ADCK1: variants seen among roughly 807,000 people sequenced by gnomAD.
ADCK1 encodes aarF domain containing kinase 1, also known as aarF domain-containing protein kinase 1.
ADCK1 carries 41 observed loss-of-function variants against 52.3 expected under a neutral mutation model. The ratio of observed to expected loss-of-function variants is 0.78; its 90% CI spans 0.61 to 1.02. The LOEUF (loss-of-function observed/expected upper bound fraction) is 1.02, where lower values mean the gene tolerates loss of function less well. Among genes scored for constraint, ADCK1 ranks in the 50% least tolerant of loss-of-function variants. The probability of loss-of-function intolerance (pLI) is 0.00; values close to 1 mark genes in which losing one functional copy is unlikely to be tolerated. For synonymous variants in ADCK1, 250 were observed against 274.6 expected (o/e 0.91, Z 0.89); for missense variants, 658 against 679.5 (o/e 0.97, Z 0.35).
intron 10 of ADCK1, among the ~76,000 whole-genome samples, chr14:77,932,594 T>C (rs1204907426): frequency 6.6e-6 from 1 of 152,150 alleles, no homozygotes; most frequent in Non-Finnish European, 1.5e-5. Flanking sequence ...TGAAAGGAGA[T>C]TTGACCACGT....
At chr14:77,931,190 G>A (rs1380857013) in intron 9 of ADCK1, among the ~76,000 whole-genome samples, 1 of 152,188 alleles carries the variant, frequency 6.6e-6, no homozygotes, top group East Asian at 1.9e-4. Flanking sequence ...ACTGGCTTCT[G>A]GGGGTCCTTC....
At chr14:77,832,342 T>A (rs376962735) in intron 3 of ADCK1, among the ~76,000 whole-genome samples, 7 of 152,224 alleles carry the variant, frequency 4.6e-5, no homozygotes, top group African/African-American at 1.7e-4. Flanking sequence ...TTGATCTTGA[T>A]GTTCAGATAC....
At chr14:77,896,872 T>G (rs2083421484) in intron 5 of ADCK1, among the ~76,000 whole-genome samples, 1 of 152,176 alleles carries the variant, frequency 6.6e-6, no homozygotes, top group Non-Finnish European at 1.5e-5. Context: ...TTGGTAGAAA[T>G]TGAGCATGAT....
chr14:77,892,713 A>G (rs1426637688), intron 5 of ADCK1, among the ~76,000 whole-genome samples: 2 of 152,098 alleles, frequency 1.3e-5, no homozygotes, highest in African/African-American at 4.8e-5. Flanking sequence ...CCACTCCCAA[A>G]TCAGTCTTGG....
chr14:77,907,116 G>A lies in ADCK1; in HGVS notation c.742-687G>A, dbSNP rs141111614. On this transcript the variant is annotated intron_variant, in intron 6 of 10. Transcript: ENST00000238561. ...TACTGTAGAGACAGGGTTTCGCCAC[G>A]TTGCCCAGGCTGGTCTTGAACTTCT... 2.3e-3 allele frequency among the ~76,000 whole-genome samples: 343 copies of A among 152,236 alleles called. 1 individual carries two copies. Among genetic ancestry groups the A allele is most frequent in the Non-Finnish European group, 3.7e-3 (254 of 68,022 alleles).
At chr14:77,902,994 A>G (rs1299841352) in intron 6 of ADCK1, among the ~76,000 whole-genome samples, 2 of 152,186 alleles carry the variant, frequency 1.3e-5, no homozygotes, top group African/African-American at 4.8e-5. Context: ...TGCCCCTCAG[A>G]GCCAGAACTA....
At chr14:77,843,150 T>A (rs185550501) in intron 3 of ADCK1, among the ~76,000 whole-genome samples, 5 of 152,112 alleles carry the variant, frequency 3.3e-5, no homozygotes, top group Non-Finnish European at 2.9e-5. Context: ...TCTCAGAATC[T>A]CAAAATGCTG....
chr14:77,832,976 G>A (rs1594898121), intron 3 of ADCK1, among the ~76,000 whole-genome samples: 5 of 152,310 alleles, frequency 3.3e-5, no homozygotes, highest in Admixed American at 3.3e-4. Flanking sequence ...AGCCTGCTCT[G>A]TGTCAGGTAC....
intron 4 of ADCK1, among the ~76,000 whole-genome samples, chr14:77,866,829 C>T (rs2082670919): frequency 6.6e-6 from 1 of 152,132 alleles, no homozygotes; most frequent in Admixed American, 6.5e-5. Context: ...TGAGCATGCC[C>T]TGGGCTGGAC....
chr14:77,854,895 C>A (rs766078800), intron 3 of ADCK1, among the ~76,000 whole-genome samples: 8 of 152,118 alleles, frequency 5.3e-5, no homozygotes, highest in Non-Finnish European at 1.0e-4. Context: ...AAATTCAGAG[C>A]CCTACCTCAC....
chr14:77,879,899 G>T (rs1204414874), intron 4 of ADCK1, among the ~76,000 whole-genome samples: 3 of 152,160 alleles, frequency 2.0e-5, no homozygotes, highest in Admixed American at 2.0e-4. Context: ...CAGTTATTGG[G>T]GGGCTACTAT....
chr14:77,898,106 A>G (rs996859053), intron 5 of ADCK1, among the ~76,000 whole-genome samples: 2 of 152,192 alleles, frequency 1.3e-5, no homozygotes, highest in Non-Finnish European at 2.9e-5. Flanking sequence ...AAAAAATTAA[A>G]AAAATTAGCT....
rs10132986 is a variant in ADCK1 at position 77,806,215 on chromosome 14, C to T, written c.-12+6045C>T. ...TGTTGGGATTACAGGTGTGAGCACT[C>T]GCTGCACCTGGCCTTGTTAGTTTTA... On this transcript the variant is annotated intron_variant, in intron 1 of 10. Transcript: ENST00000238561. Among the ~76,000 whole-genome samples the T allele has an allele frequency of 8.4e-3, 1,278 of 151,886 alleles. 17 individuals carry two copies. Among genetic ancestry groups the T allele is most frequent in the African/African-American group, 0.029 (1,211 of 41,468 alleles).
At chr14:77,868,297 C>G (rs182385507) in intron 4 of ADCK1, among the ~76,000 whole-genome samples, 1 of 152,164 alleles carries the variant, frequency 6.6e-6, no homozygotes, top group Non-Finnish European at 1.5e-5. Flanking sequence ...TCTCCTGATT[C>G]CTGATCCAGT....
At chr14:77,928,717 C>G (rs2084255541) in intron 9 of ADCK1, among the ~76,000 whole-genome samples, 1 of 152,150 alleles carries the variant, frequency 6.6e-6, no homozygotes. Context: ...ATCTCGGCCT[C>G]CCAAAGTGCT....
chr14:77,929,002 G>C (rs1304858985), intron 9 of ADCK1, among the ~76,000 whole-genome samples: 1 of 152,166 alleles, frequency 6.6e-6, no homozygotes, highest in African/African-American at 2.4e-5. Flanking sequence ...CTTTTTATAA[G>C]GTCCCTGCCA....
intron 4 of ADCK1, among the ~76,000 whole-genome samples, chr14:77,866,032 T>A (rs759822561): frequency 2.1e-4 from 32 of 152,216 alleles, no homozygotes; most frequent in Admixed American, 5.9e-4. Flanking sequence ...CAGTCATATG[T>A]TGCTTAATGA....
chr14:77,829,279 C>G lies in ADCK1; in HGVS notation c.219+6761C>G, dbSNP rs991900829. On this transcript the variant is annotated intron_variant, in intron 3 of 10. Transcript: ENST00000238561. ...CACACATACACACACTTCTGTCTTT[C>G]TACTAAAAAACTAAGATTTTTTTTT... 2.2e-5 allele frequency among the ~76,000 whole-genome samples: 3 copies of G among 138,004 alleles called. 1 individual carries two copies. The highest frequency in any genetic ancestry group is 4.8e-5 in the Non-Finnish European group (3 of 62,986). 90.5% of individuals were successfully genotyped at this position (138,004 alleles called of 152,430 possible).
intron 6 of ADCK1, among the ~76,000 whole-genome samples, chr14:77,903,716 A>G (rs1343451415): frequency 6.6e-6 from 1 of 152,150 alleles, no homozygotes; most frequent in East Asian, 1.9e-4. Flanking sequence ...ATAGGTGTGC[A>G]GGGCCATGCC....
Sources: allele counts gnomAD v4.1 joint callset (sites outside exome capture counted in the v4.1 genomes callset), GRCh38; gene constraint gnomAD v4.1.1; transcripts MANE v1.5; gene names NCBI Gene and HGNC (gene_info 2026-07-23, HGNC 2026-07-21).